Variants in RPSA2 observed in about 807,000 individuals in gnomAD.
The protein encoded by RPSA2 is small ribosomal subunit protein uS2B.
chr19:23,763,795 C>T, the RPSA2 span, among the ~76,000 whole-genome samples: 2 of 152,102 alleles, frequency 1.3e-5, no homozygotes, highest in Non-Finnish European at 2.9e-5. Flanking sequence ...TAAAGGGAGT[C>T]AGGGTTAAAA....
chr19:23,857,469 G>T, the RPSA2 span, among the ~76,000 whole-genome samples: 12 of 144,090 alleles, frequency 8.3e-5, no homozygotes, highest in South Asian at 4.6e-4. Context: ...TCTATATTTT[G>T]AAGTCTTTTT....
chr19:23,758,615 A>G, the RPSA2 span: 1 of 1,357,324 alleles, frequency 7.4e-7, no homozygotes, highest in South Asian at 1.2e-5. Flanking sequence ...CCGCCATCTT[A>G]TGGTCCAAGT....
the RPSA2 span, among the ~76,000 whole-genome samples, chr19:23,855,502 A>G: frequency 5.3e-5 from 8 of 152,212 alleles, no homozygotes; most frequent in African/African-American, 1.7e-4. Flanking sequence ...CGACCAGATA[A>G]GCCCACACCT....
the RPSA2 span, among the ~76,000 whole-genome samples, chr19:23,831,393 T>C: frequency 3.9e-3 from 593 of 152,290 alleles, 1 homozygote; most frequent in African/African-American, 0.014. Context: ...CTGCACACAC[T>C]TATTTATAAA....
the RPSA2 span, among the ~76,000 whole-genome samples, chr19:23,767,886 C>T: frequency 1.3e-5 from 2 of 150,688 alleles, no homozygotes; most frequent in African/African-American, 4.9e-5. Flanking sequence ...CCTGCCTCAG[C>T]CTCCTGAGTA....
At chr19:23,854,360 C>T in the RPSA2 span, among the ~76,000 whole-genome samples, 1 of 152,162 alleles carries the variant, frequency 6.6e-6, no homozygotes, top group Non-Finnish European at 1.5e-5. Flanking sequence ...TACTGCTCCA[C>T]CCCCCTACTG....
the RPSA2 span, among the ~76,000 whole-genome samples, chr19:23,866,540 C>T: frequency 7.4e-6 from 1 of 135,454 alleles, no homozygotes; most frequent in African/African-American, 2.7e-5. Context: ...GGAAATAATG[C>T]CAGGACTCTG....
the RPSA2 span, among the ~76,000 whole-genome samples, chr19:23,778,736 CTCT>C: frequency 9.0e-4 from 137 of 152,238 alleles, 1 homozygote; most frequent in African/African-American, 2.6e-3. Context: ...GATGATGTGA[CTCT>C]TCTTCTTGGG....
At chr19:23,760,673 T>A in the RPSA2 span, among the ~76,000 whole-genome samples, 326 of 137,406 alleles carry the variant, frequency 2.4e-3, no homozygotes, top group East Asian at 0.013. Context: ...ATATATATTT[T>A]TTTTTTTTTA....
the RPSA2 span, among the ~76,000 whole-genome samples, chr19:23,851,540 G>C: frequency 6.6e-6 from 1 of 152,176 alleles, no homozygotes; most frequent in African/African-American, 2.4e-5. Flanking sequence ...TTATCAATAT[G>C]TTTAATAGTA....
the RPSA2 span, among the ~76,000 whole-genome samples, chr19:23,828,273 T>G: frequency 6.6e-6 from 1 of 150,792 alleles, no homozygotes; most frequent in Non-Finnish European, 1.5e-5. Flanking sequence ...TTGGTAGCTT[T>G]GTAATGTGTT....
At chr19:23,771,115 G>A in the RPSA2 span, among the ~76,000 whole-genome samples, 6 of 152,310 alleles carry the variant, frequency 3.9e-5, no homozygotes, top group East Asian at 7.7e-4. Context: ...TACAGAGAAT[G>A]TCCTAACAGA....
At chr19:23,858,527 A>G in the RPSA2 span, among the ~76,000 whole-genome samples, 1 of 152,228 alleles carries the variant, frequency 6.6e-6, no homozygotes, top group African/African-American at 2.4e-5. Flanking sequence ...TTAGGCAGAT[A>G]GTGAGTGCAA....
chr19:23,834,530 G>A, the RPSA2 span, among the ~76,000 whole-genome samples: 1 of 151,904 alleles, frequency 6.6e-6, no homozygotes, highest in Non-Finnish European at 1.5e-5. Flanking sequence ...CATGAGGTAG[G>A]TGTTCAGAGT....
At chr19:23,779,023 C>T in the RPSA2 span, among the ~76,000 whole-genome samples, 6 of 49,846 alleles carry the variant, frequency 1.2e-4, no homozygotes, top group East Asian at 1.2e-3. Context: ...TTTTTTGAGA[C>T]GGAGTCTCGC....
the RPSA2 span, among the ~76,000 whole-genome samples, chr19:23,830,835 A>G: frequency 1.3e-5 from 2 of 151,772 alleles, no homozygotes; most frequent in South Asian, 2.1e-4. Context: ...CCTATTTTGT[A>G]TATTTTATCT....
At chr19:23,841,575 C>G in the RPSA2 span, among the ~76,000 whole-genome samples, 4 of 152,236 alleles carry the variant, frequency 2.6e-5, no homozygotes, top group African/African-American at 9.6e-5. Context: ...CGCCAAGTGT[C>G]AGGTTCCAAC....
the RPSA2 span, among the ~76,000 whole-genome samples, chr19:23,839,193 G>T: frequency 6.6e-6 from 1 of 152,106 alleles, no homozygotes; most frequent in East Asian, 1.9e-4. Context: ...TGTTTTTAAC[G>T]CAATGCTCAT....
At chr19:23,770,495 G>A in the RPSA2 span, among the ~76,000 whole-genome samples, 10 of 152,160 alleles carry the variant, frequency 6.6e-5, no homozygotes, top group African/African-American at 1.9e-4. Flanking sequence ...GTATAGTGAC[G>A]TATCATTGAG....
Sources: gnomAD v4.1 joint callset for allele counts (sites outside exome capture counted in the v4.1 genomes callset) on GRCh38, gnomAD v4.1.1 for gene constraint, MANE v1.5 for transcripts, NCBI Gene and HGNC (gene_info 2026-07-23, HGNC 2026-07-21) for gene names.